COL2A1: variants seen among roughly 807,000 people sequenced by gnomAD.
COL2A1 encodes collagen alpha-1(II) chain.
Under a neutral mutation model 204.5 loss-of-function variants are expected in COL2A1, and 28 were observed. That is an observed-to-expected ratio of 0.14 (90% CI 0.10 to 0.19). The LOEUF (loss-of-function observed/expected upper bound fraction) is 0.19. Among genes scored for constraint, COL2A1 ranks in the 10% least tolerant of loss-of-function variants. The pLI, the probability that COL2A1 is intolerant of heterozygous loss-of-function variation, is 1.00. For missense variants in COL2A1, 1,388 were observed against 2,027.5 expected (o/e 0.68, Z 6.06); for synonymous variants, 708 against 718.7 (o/e 0.99, Z 0.24).
chr12:47,990,882 C>T (rs527749968), intron 16 of COL2A1, among the ~76,000 whole-genome samples: 2 of 152,206 alleles, frequency 1.3e-5, no homozygotes, highest in Non-Finnish European at 2.9e-5. Flanking sequence ...GGGCCTAGGG[C>T]CTGACTGAGC....
intron 10 of COL2A1, 136 bp from the exon 11 acceptor site, chr12:47,995,444 G>T: frequency 2.3e-6 from 2 of 875,308 alleles, no homozygotes; most frequent in Non-Finnish European, 1.9e-6. Context: ...GAGCAAAGGT[G>T]CAGAGATCAT....
In COL2A1 at chr12:47,976,711, T is replaced by C; in HGVS notation, c.3435+101A>G. ...CCAGCCCTGAGGAAATCCTAGAAAC[T>C]GCTTAGGGTGATCCCAAGCTGTCCT... On this transcript the variant is annotated intron_variant, in intron 48 of 53. Coordinates refer to ENST00000380518, the MANE Select transcript of COL2A1 (RefSeq NM_001844.5). This position sits in a 1 kb window ranked among gnomAD's most constrained non-coding sequence, Gnocchi z 4.3. The C allele has an allele frequency of 7.3e-7, 1 of 1,377,882 alleles. No individual in the cohort carries two copies. The highest frequency in any genetic ancestry group is 1.0e-6 in the Non-Finnish European group (1 of 981,332). The allele number at this position is 1,377,882 out of a possible 1,614,324, so 85.4% of individuals were successfully genotyped here.
rs1207559748 is a variant in COL2A1 at position 47,978,501 on chromosome 12, G to A, written c.2895+96C>T. 16 of 1,577,498 alleles carry A rather than the reference G, an allele frequency of 1.0e-5. No individual in the cohort carries two copies. Among genetic ancestry groups the A allele is most frequent in the Middle Eastern group, 1.7e-4 (1 of 6,000 alleles). Reference sequence around the variant, plus strand: ...CAGCCCCGCTCCCTGGCATCCCCACGGCCCCTGCTCCCTCCTACCCCATGC... The same window carrying A: ...CAGCCCCGCTCCCTGGCATCCCCACAGCCCCTGCTCCCTCCTACCCCATGC... On this transcript the variant is annotated intron_variant, in intron 42 of 53. Transcript: ENST00000380518. The surrounding 1 kb of genome is among the most constrained non-coding windows in gnomAD (Gnocchi z 5.5).
At position 47,980,616 on chromosome 12, in the gene COL2A1, C is replaced by T. The variant is rs1193507525; in HGVS notation, c.2563G>A (p.Gly855Ser). ...GGGGCACCAGCATCGCCTTTCTGGCCGGCCTCTCCTTGCTCACCCTTGGCC... is the reference window on the plus strand; with the variant it reads ...GGGGCACCAGCATCGCCTTTCTGGCTGGCCTCTCCTTGCTCACCCTTGGCC... ...PGAKGEQGEA[G>S]QKGDAGAPGP... is the part of the protein sequence containing the mutation. Residue 855 changes from glycine to serine, a missense_variant, in exon 39 of 54, where the codon GGC (glycine) becomes AGC (serine). This residue lies in a region of COL2A1 where 884 missense variants were observed against 1,415.8 expected (regional missense o/e 0.62). Coordinates refer to ENST00000380518, the MANE Select transcript of COL2A1 (RefSeq NM_001844.5). This position sits in a 1 kb window ranked among gnomAD's most constrained non-coding sequence, Gnocchi z 4.5. The T allele has an allele frequency of 1.2e-6, 2 of 1,612,926 alleles. No individual in the cohort carries two copies. The highest frequency in any genetic ancestry group is 1.7e-6 in the Non-Finnish European group (2 of 1,179,674).
In COL2A1 at chr12:47,991,457, G is replaced by GCA. The variant is rs146569403; in HGVS notation, c.1023+1419_1023+1420dup. Among the ~76,000 whole-genome samples the GCA allele has an allele frequency of 5.4e-4, 82 of 152,256 alleles. 1 individual carries two copies. The highest frequency in any genetic ancestry group is 1.9e-3 in the African/African-American group (81 of 41,558). On this transcript the variant is annotated intron_variant, in intron 16 of 53. Transcript: ENST00000380518. The stretch of plus-strand genomic sequence containing the variant: ...CTGGGGCCTGCACACCCCGGACACT[G>GCA]CACAGCCCCCTTCTGGAAGTCAAGG...
At chr12:47,997,955 CA>C in intron 5 of COL2A1, 31 bp from the exon 6 acceptor site, 15 of 1,614,164 alleles carry the variant, frequency 9.3e-6, no homozygotes, top group Non-Finnish European at 1.3e-5. Flanking sequence ...AAGATGACAG[CA>C]AGGCCAGGAG....
chr12:48,000,962 G>C (rs961913708), intron 1 of COL2A1: 2 of 152,306 alleles, frequency 1.3e-5, no homozygotes, highest in African/African-American at 4.8e-5. Context: ...ACCCCAGTTT[G>C]GGGAGCAGGG....
At position 47,977,667 on chromosome 12, in the gene COL2A1, A is replaced by G; in HGVS notation, c.3112-14T>C. ...ACCGGGGCTTCCCTGGACAAAGTGA[A>G]ACAAGAATGCACTTAGAGCTGCTTC... On this transcript the variant is annotated splice_polypyrimidine_tract_variant and intron_variant, in intron 44 of 53. Coordinates refer to ENST00000380518, the MANE Select transcript of COL2A1 (RefSeq NM_001844.5). 6.2e-7 allele frequency: 1 copy of G among 1,613,920 alleles called. No individual in the cohort carries two copies. Among genetic ancestry groups the G allele is most frequent in the Non-Finnish European group, 8.5e-7 (1 of 1,179,908 alleles).
chr12:47,994,518 G>A (rs41317903), intron 11 of COL2A1, 41 bp from the exon 12 acceptor site: 91 of 1,609,444 alleles, frequency 5.7e-5, no homozygotes, highest in Middle Eastern at 1.9e-4. Context: ...CCTCAGAGAC[G>A]CAGTAGCATA....
intron 11 of COL2A1, 31 bp downstream of exon 11, chr12:47,995,224 G>C: frequency 6.3e-7 from 1 of 1,587,496 alleles, no homozygotes; most frequent in Non-Finnish European, 8.7e-7. Context: ...AAAGGAGGCA[G>C]CTCCTCATTT....
At chr12:48,002,012 G>T (rs2136644294) in intron 1 of COL2A1, among the ~76,000 whole-genome samples, 1 of 151,944 alleles carries the variant, frequency 6.6e-6, no homozygotes, top group African/African-American at 2.4e-5. Context: ...GCACAGGGGG[G>T]CATTGTGGGA....
rs1555165173 is a variant in COL2A1, at chr12:47,977,160, GGAGA to G, written c.3274-9_3274-6del. Reference sequence around the variant, plus strand: ...TCCCATGGGGCCTTGTGCACCCTGAGGAGAGAGTGAGCGCAGCGTCAGAGAAAAG... The same window carrying G: ...TCCCATGGGGCCTTGTGCACCCTGAGGAGTGAGCGCAGCGTCAGAGAAAAG... On this transcript the variant is annotated splice_region_variant and splice_polypyrimidine_tract_variant and intron_variant, in intron 46 of 53. Transcript: ENST00000380518. 2 of 1,611,338 alleles carry G rather than the reference GGAGA, an allele frequency of 1.2e-6. No individual in the cohort carries two copies. Among genetic ancestry groups the G allele is most frequent in the East Asian group, 2.2e-5 (1 of 44,800 alleles).
chr12:47,973,392 T>C lies in COL2A1; in HGVS notation c.*15A>G, dbSNP rs1477432993. On this transcript the variant is annotated 3_prime_UTR_variant, in exon 54 of 54. Coordinates refer to ENST00000380518, the MANE Select transcript of COL2A1 (RefSeq NM_001844.5). Reference sequence around the variant, plus strand: ...TGGGTTTGCAACGGATTGTGTTGTTTCTGGGTTCAGGTTTTTACAAGAAGC... The same window carrying C: ...TGGGTTTGCAACGGATTGTGTTGTTCCTGGGTTCAGGTTTTTACAAGAAGC... 14 of 1,614,028 alleles carry C rather than the reference T, an allele frequency of 8.7e-6. No individual in the cohort carries two copies. The highest frequency in any genetic ancestry group is 1.2e-5 in the Non-Finnish European group (14 of 1,180,034).
rs772688503 is a variant in COL2A1 at position 47,993,485 on chromosome 12, C to A, written c.942G>T (p.Pro314=). 13 of 1,613,906 alleles carry A rather than the reference C, an allele frequency of 8.1e-6. 1 individual carries two copies. Among genetic ancestry groups the A allele is most frequent in the South Asian group, 3.3e-5 (3 of 91,078 alleles). Residue 314 remains proline, a synonymous_variant, in exon 15 of 54, where the codon CCG becomes CCT. Coordinates refer to ENST00000380518, the MANE Select transcript of COL2A1 (RefSeq NM_001844.5). ...TTGGGCCCGGAGATCCGTTCTCACC[C>A]GGGGAACCACTCTCACCCTGGAAAA... ...APGVKGESGS[P]GENGSPGPMG...
At chr12:47,986,172 G>T (rs546914559) in intron 23 of COL2A1, among the ~76,000 whole-genome samples, 164 bp downstream of exon 23, 3 of 152,284 alleles carry the variant, frequency 2.0e-5, no homozygotes, top group Non-Finnish European at 2.9e-5. Context: ...GTGGTTGGCG[G>T]CACAAATCAG....
In COL2A1 at chr12:47,976,814, G is replaced by A. The variant is rs1415072730; in HGVS notation, c.3433C>T (p.Pro1145Ser). 6.2e-7 allele frequency: 1 copy of A among 1,612,528 alleles called. No individual in the cohort carries two copies. Among genetic ancestry groups the A allele is most frequent in the East Asian group, 2.2e-5 (1 of 44,856 alleles). Residue 1145 changes from proline (P) to serine (S), a missense_variant and splice_region_variant, in exon 48 of 54, where the codon CCT (proline) becomes TCT (serine). Physicochemically the swap from Pro to Ser is moderately conservative, Grantham distance 74 (BLOSUM62 -1). Transcript: ENST00000380518. This position sits in a 1 kb window ranked among gnomAD's most constrained non-coding sequence, Gnocchi z 4.3. ...CCCACGCAGGCAGTGACACTCACAG[G>A]AGGGCCGGGCAGACCCTGCAGACCA... is the stretch of plus-strand genomic sequence containing the variant. ...FTGLQGLPGPPGPSGDQGASG... is the reference protein window; with the variant it reads ...FTGLQGLPGPSGPSGDQGASG...
At position 47,987,406 on chromosome 12, in the gene COL2A1, T is replaced by C. The variant is rs991951535; in HGVS notation, c.1222-93A>G. ...TCCAGATCCAGGGACCTGGCATAGG[T>C]GCTGTCCATTTCAGGGACATTCCCA... On this transcript the variant is annotated intron_variant, in intron 19 of 53. Transcript: ENST00000380518. This position sits in a 1 kb window ranked among gnomAD's most constrained non-coding sequence, Gnocchi z 4.1. 36 of 1,362,474 alleles carry C rather than the reference T, an allele frequency of 2.6e-5. No individual in the cohort carries two copies. The highest frequency in any genetic ancestry group is 9.4e-6 in the Non-Finnish European group (9 of 960,812). 84.4% of individuals were successfully genotyped at this position (1,362,474 alleles called of 1,614,324 possible). A position where few individuals can be genotyped will look rare whatever the true frequency, so the allele number is the denominator to read the frequency against.
intron 1 of COL2A1, among the ~76,000 whole-genome samples, chr12:48,001,615 G>A (rs1300357735): frequency 6.6e-6 from 1 of 152,210 alleles, no homozygotes; most frequent in East Asian, 1.9e-4. Flanking sequence ...GGGGAAGGGC[G>A]GCCCGGGAAG....
intron 52 of COL2A1, 37 bp from the exon 53 acceptor site, chr12:47,974,368 G>C: frequency 6.2e-7 from 1 of 1,611,378 alleles, no homozygotes; most frequent in Non-Finnish European, 8.5e-7. Flanking sequence ...AGGCCTGGGA[G>C]CTGGCATTCA....
Sources: gnomAD v4.1 joint callset for allele counts (sites outside exome capture counted in the v4.1 genomes callset) on GRCh38, gnomAD v4.1.1 for gene constraint, gnomAD v4.1.1 regional missense constraint, Gnocchi (gnomAD v3.1) non-coding constraint, MANE v1.5 for transcripts, NCBI Gene and HGNC (gene_info 2026-07-23, HGNC 2026-07-21) for gene names.